The following STK39 variants were observed in gnomAD, a reference collection of about 807,000 sequenced individuals.
STK39 encodes the protein STE20/SPS1-related proline-alanine-rich protein kinase.
Under a neutral mutation model 77.8 loss-of-function variants are expected in STK39, and 20 were observed. That is an observed-to-expected ratio of 0.26 (90% CI 0.18 to 0.37). The LOEUF (loss-of-function observed/expected upper bound fraction) is 0.37, where lower values mean the gene tolerates loss of function less well. STK39 is among the 10% of genes least tolerant of loss of function. The probability of loss-of-function intolerance (pLI) is 1.00; values close to 1 mark genes in which losing one functional copy is unlikely to be tolerated. For missense variants in STK39, 479 were observed against 656.5 expected, an observed-to-expected ratio of 0.73 and a Z score of 2.95; for synonymous variants, 246 against 234.1, an observed-to-expected ratio of 1.05 and a Z score of -0.47.
Position 168,247,237 on chromosome 2 carries a change from C to A in STK39, c.199G>T (p.Glu67Ter). Residue 67 changes from glutamate (E) to a stop codon, truncating the protein, a stop_gained, in exon 1 of 18, where the codon GAG (glutamate) becomes TAG (stop). Coordinates refer to ENST00000355999, the MANE Select transcript of STK39 (RefSeq NM_013233.3). LOFTEE classifies it high-confidence loss of function. ...CGCCCGCCGCACTGACCGATAACCT[C>A]CTGCAGCTCGTACGCGTCCCTGCAG... Reference protein sequence around the residue: ...PICRDAYELQEVIGSGATAVV... With the variant: ...PICRDAYELQ The A allele has an allele frequency of 8.5e-7, 1 of 1,178,278 alleles. No homozygotes were observed. The highest frequency in any genetic ancestry group is 4.3e-5 in the Admixed American group (1 of 23,196). The allele number at this position is 1,178,278 out of a possible 1,614,324, so 73.0% of individuals were successfully genotyped here. A position where few individuals can be genotyped will look rare whatever the true frequency, so the allele number is the denominator to read the frequency against.
chr2:167,954,107 T>C lies in STK39; in HGVS notation c.*1389A>G, dbSNP rs200094675. On this transcript the variant is annotated 3_prime_UTR_variant, in exon 18 of 18. Transcript: ENST00000355999. ...GTGTAAACAATAGAATGGAATGAAA[T>C]TACATTAAATTGTATGCAAATGGCT... 16 of 152,658 alleles carry C rather than the reference T, an allele frequency of 1.0e-4. No homozygotes were observed. Among genetic ancestry groups the C allele is most frequent in the Admixed American group, 1.0e-3 (16 of 15,288 alleles). The allele number at this position is 152,658 out of a possible 1,614,324, so 9.5% of individuals were successfully genotyped here.
rs1414084186 is a variant in STK39 at position 167,955,588 on chromosome 2, A to G, written c.1564-18T>C. 6.2e-7 allele frequency: 1 copy of G among 1,611,368 alleles called. No individual in the cohort carries two copies. On this transcript the variant is annotated intron_variant, in intron 17 of 17. Coordinates refer to ENST00000355999, the MANE Select transcript of STK39 (RefSeq NM_013233.3). ...CCAGAAGCCTGAAAAGGGAAAAAGA[A>G]AGCCTCAATGCTGGTTTGCTGCTGC...
At chr2:168,170,674 A>T (rs1173130531) in intron 2 of STK39, among the ~76,000 whole-genome samples, 1 of 152,192 alleles carries the variant, frequency 6.6e-6, no homozygotes, top group African/African-American at 2.4e-5. Context: ...GCAGAGAGGA[A>T]GGTTGGGGGA....
chr2:168,186,585 T>C (rs1188567607), intron 1 of STK39, among the ~76,000 whole-genome samples: 2 of 152,222 alleles, frequency 1.3e-5, no homozygotes, highest in Non-Finnish European at 2.9e-5. Context: ...AAACGTGGTA[T>C]TGATTCCCTC....
intron 10 of STK39, among the ~76,000 whole-genome samples, chr2:168,088,550 G>A (rs937461646): frequency 5.9e-5 from 9 of 152,138 alleles, no homozygotes; most frequent in African/African-American, 2.2e-4. Context: ...GTTTCAAATA[G>A]AAACATGTTT....
In STK39 at chr2:168,075,145, C is replaced by G. The variant is rs1357740688; in HGVS notation, c.1176G>C (p.Lys392Asn). Residue 392 changes from lysine to asparagine, a missense_variant, in exon 11 of 18, where the codon AAG becomes AAC. This residue lies in a region of STK39 where 244 missense variants were observed against 296.8 expected (regional missense o/e 0.82). Coordinates refer to ENST00000355999, the MANE Select transcript of STK39 (RefSeq NM_013233.3). ...WEWSDDEMDEKSEEGKAAFSQ... is the reference protein window; with the variant it reads ...WEWSDDEMDENSEEGKAAFSQ... ...AAAAAGCTGCTTTCCCTTCTTCGCT[C>G]TTCTCATCCATCTCGTCGTCACTCC... is the stretch of plus-strand genomic sequence containing the variant. The G allele has an allele frequency of 1.4e-5, 23 of 1,614,162 alleles. No individual in the cohort carries two copies. The highest frequency in any genetic ancestry group is 1.7e-5 in the Non-Finnish European group (20 of 1,180,028).
intron 15 of STK39, among the ~76,000 whole-genome samples, chr2:168,014,786 C>T (rs1222560973): frequency 6.6e-6 from 1 of 152,170 alleles, no homozygotes; most frequent in Non-Finnish European, 1.5e-5. Context: ...CCCATCACTT[C>T]TAAAGTATCA....
chr2:168,017,752 T>G (rs1185364020), intron 14 of STK39, among the ~76,000 whole-genome samples: 1 of 152,118 alleles, frequency 6.6e-6, no homozygotes, highest in African/African-American at 2.4e-5. Flanking sequence ...AAATACTATT[T>G]TATTAAATCA....
At chr2:168,206,070 T>C (rs1483028506) in intron 1 of STK39, among the ~76,000 whole-genome samples, 1 of 152,146 alleles carries the variant, frequency 6.6e-6, no homozygotes, top group Non-Finnish European at 1.5e-5. Flanking sequence ...TCCTATAATA[T>C]TCATCTGGTC....
intron 1 of STK39, among the ~76,000 whole-genome samples, chr2:168,226,312 G>A (rs950324114): frequency 6.6e-6 from 1 of 151,268 alleles, no homozygotes. Context: ...TTTCCAGGAT[G>A]CTAGAAAACC....
At chr2:168,041,537 G>A (rs1010426520) in intron 14 of STK39, among the ~76,000 whole-genome samples, 11 of 151,854 alleles carry the variant, frequency 7.2e-5, no homozygotes, top group African/African-American at 1.5e-4. Flanking sequence ...GTGGAGGCTC[G>A]TCTGTCTAAG....
intron 10 of STK39, among the ~76,000 whole-genome samples, chr2:168,077,390 C>T (rs74844071): frequency 0.062 from 9,377 of 152,170 alleles, 483 homozygotes; most frequent in East Asian, 0.19. Flanking sequence ...CCCATTTTCT[C>T]CCATTTTTAT....
rs150498912 is a variant in STK39, at chr2:167,963,260, A to G, written c.1563+1402T>C. Among the ~76,000 whole-genome samples, 1,401 of 152,216 alleles carry G rather than the reference A, an allele frequency of 9.2e-3. 22 individuals are homozygous for G. Among genetic ancestry groups the G allele is most frequent in the African/African-American group, 0.032 (1,338 of 41,532 alleles). On this transcript the variant is annotated intron_variant, in intron 17 of 17. Transcript: ENST00000355999. ...ATTAGGAGATGAGGGAGAGTTTTAC[A>G]TTATTCTTATGGTTTACCTAGAGAT...
At chr2:168,170,786 GGA>G (rs1452672431) in intron 2 of STK39, among the ~76,000 whole-genome samples, 1 of 152,154 alleles carries the variant, frequency 6.6e-6, no homozygotes, top group African/African-American at 2.4e-5. Flanking sequence ...TCTAACTGGA[GGA>G]GAGTCTAACT....
intron 10 of STK39, among the ~76,000 whole-genome samples, chr2:168,100,669 C>T (rs1309355531): frequency 2.6e-5 from 4 of 152,114 alleles, no homozygotes; most frequent in African/African-American, 7.2e-5. Flanking sequence ...GCAATCTATC[C>T]ATCTGACAAA....
At chr2:168,127,518 A>C (rs1687574458) in intron 10 of STK39, among the ~76,000 whole-genome samples, 1 of 152,190 alleles carries the variant, frequency 6.6e-6, no homozygotes, top group African/African-American at 2.4e-5. Flanking sequence ...CAAATTTCAA[A>C]AAGCTCCAAA....
intron 8 of STK39, among the ~76,000 whole-genome samples, chr2:168,131,494 G>C (rs1687696045): frequency 6.6e-6 from 1 of 152,174 alleles, no homozygotes; most frequent in Admixed American, 6.5e-5. Context: ...TCAAACCCAA[G>C]CATAGAAAGA....
At chr2:168,043,737 T>C (rs1177973319) in intron 14 of STK39, among the ~76,000 whole-genome samples, 6 of 152,226 alleles carry the variant, frequency 3.9e-5, no homozygotes, top group African/African-American at 1.2e-4. Context: ...TTAGCACATA[T>C]TACTCTGTGA....
At chr2:168,190,514 T>C (rs1051896289) in intron 1 of STK39, among the ~76,000 whole-genome samples, 6 of 152,188 alleles carry the variant, frequency 3.9e-5, no homozygotes, top group African/African-American at 1.4e-4. Flanking sequence ...CATCCGAATT[T>C]CAATTTTTAA....
Sources: gnomAD v4.1 joint callset for allele counts (sites outside exome capture counted in the v4.1 genomes callset) on GRCh38, gnomAD v4.1.1 for gene constraint, gnomAD v4.1.1 regional missense constraint, MANE v1.5 for transcripts, NCBI Gene and HGNC (gene_info 2026-07-23, HGNC 2026-07-21) for gene names.